NXPE2: variants seen among roughly 807,000 people sequenced by gnomAD.
NXPE2 encodes the protein NXPE family member 2.
Under a neutral mutation model 34.4 loss-of-function variants are expected in NXPE2, and 34 were observed. That is an observed-to-expected ratio of 0.99 (90% CI 0.75 to 1.31). NXPE2 has a LOEUF of 1.31. NXPE2 is among the 40% of genes most tolerant of loss of function. The pLI, the probability that NXPE2 is intolerant of heterozygous loss-of-function variation, is 0.00. For missense variants in NXPE2, 649 were observed against 672.5 expected (o/e 0.97, Z 0.39); for synonymous variants, 235 against 231.3 (o/e 1.02, Z -0.15).
At chr11:114,488,384 C>CT in the NXPE2 span, among the ~76,000 whole-genome samples, 7 of 151,944 alleles carry the variant, frequency 4.6e-5, no homozygotes, top group African/African-American at 1.7e-4. Flanking sequence ...GGTCTTCTCT[C>CT]TTTTTTTCTT....
chr11:114,582,613 G>C, the NXPE2 span: 1 of 1,614,144 alleles, frequency 6.2e-7, no homozygotes. Context: ...TCCCAGAACA[G>C]AGTGAAGCTG....
At chr11:114,751,190 G>A in the NXPE2 span, among the ~76,000 whole-genome samples, 4 of 152,122 alleles carry the variant, frequency 2.6e-5, no homozygotes, top group Admixed American at 2.6e-4. Context: ...ACATTTCAAT[G>A]GCCAGAATTA....
the NXPE2 span, chr11:114,571,493 C>G: frequency 6.4e-7 from 1 of 1,561,458 alleles, no homozygotes; most frequent in African/African-American, 1.4e-5. Flanking sequence ...AATAGGCAAT[C>G]CCAAAATAAA....
the NXPE2 span, among the ~76,000 whole-genome samples, chr11:114,601,809 A>C: frequency 1.2e-3 from 93 of 74,628 alleles, no homozygotes; most frequent in Middle Eastern, 0.019. Context: ...ATTATATATT[A>C]TATAATTATA....
the NXPE2 span, among the ~76,000 whole-genome samples, chr11:114,613,769 GC>G: frequency 6.6e-6 from 1 of 152,042 alleles, no homozygotes; most frequent in East Asian, 1.9e-4. Context: ...AATAAGTGTT[GC>G]CTGGTGGGTA....
At chr11:114,678,444 G>A (rs1950882852), upstream of NXPE2, 2 of 675,334 alleles carry the variant, frequency 3.0e-6, no homozygotes, top group African/African-American at 3.6e-5. Flanking sequence ...CTGGCACGCT[G>A]TGGCCACAAA....
the NXPE2 span, among the ~76,000 whole-genome samples, chr11:114,636,490 C>G: frequency 6.6e-6 from 1 of 151,696 alleles, no homozygotes; most frequent in Non-Finnish European, 1.5e-5. Flanking sequence ...TTAGTTATTT[C>G]TTGCCTTCTG....
chr11:114,632,207 A>G, the NXPE2 span, among the ~76,000 whole-genome samples: 2 of 141,314 alleles, frequency 1.4e-5, no homozygotes, highest in African/African-American at 5.1e-5. Context: ...TATACATATT[A>G]TATATGTATA....
intron 2 of NXPE2, among the ~76,000 whole-genome samples, chr11:114,683,121 T>A (rs1168997644): frequency 1.3e-5 from 2 of 152,136 alleles, no homozygotes; most frequent in African/African-American, 4.8e-5. Flanking sequence ...AATTTCCCTT[T>A]AATCATAGAG....
chr11:114,509,592 T>TA, the NXPE2 span, among the ~76,000 whole-genome samples: 3 of 151,946 alleles, frequency 2.0e-5, no homozygotes, highest in East Asian at 1.9e-4. Flanking sequence ...TGTGCAGCCA[T>TA]AAAAAAAATG....
intron 2 of NXPE2, among the ~76,000 whole-genome samples, chr11:114,691,868 G>A (rs1238559445): frequency 1.3e-5 from 2 of 152,196 alleles, no homozygotes; most frequent in Non-Finnish European, 2.9e-5. Flanking sequence ...GAGCTGATGG[G>A]GCACTGTTCC....
the NXPE2 span, among the ~76,000 whole-genome samples, chr11:114,788,003 G>T: frequency 1.3e-5 from 2 of 152,184 alleles, no homozygotes; most frequent in African/African-American, 4.8e-5. Flanking sequence ...ATGTGGTCCA[G>T]CCCCAGGACA....
intron 1 of NXPE2, 62 bp downstream of exon 1, chr11:114,678,663 G>A: frequency 1.5e-6 from 2 of 1,325,898 alleles, no homozygotes; most frequent in South Asian, 1.3e-5. Context: ...GAGAACTATA[G>A]ACCATTTGGT....
intron 2 of NXPE2, among the ~76,000 whole-genome samples, chr11:114,686,176 T>A (rs1235970959): frequency 6.6e-6 from 1 of 152,134 alleles, no homozygotes; most frequent in Admixed American, 6.6e-5. Flanking sequence ...TATATGGGTA[T>A]ATTGCATGAT....
chr11:114,631,396 C>G, the NXPE2 span, among the ~76,000 whole-genome samples: 1 of 151,396 alleles, frequency 6.6e-6, no homozygotes, highest in Non-Finnish European at 1.5e-5. Flanking sequence ...AATTGGAAAT[C>G]ATCATTCTCA....
At chr11:114,749,948 G>A in the NXPE2 span, among the ~76,000 whole-genome samples, 1 of 152,100 alleles carries the variant, frequency 6.6e-6, no homozygotes, top group South Asian at 2.1e-4. Context: ...CACCCTCCAT[G>A]TAGACTCTCT....
the NXPE2 span, among the ~76,000 whole-genome samples, chr11:114,558,492 A>C: frequency 6.6e-6 from 1 of 152,152 alleles, no homozygotes; most frequent in Non-Finnish European, 1.5e-5. Context: ...TAGATTGAGG[A>C]AGTTCTCTTT....
chr11:114,603,364 C>T, the NXPE2 span, among the ~76,000 whole-genome samples: 60 of 119,344 alleles, frequency 5.0e-4, no homozygotes, highest in Non-Finnish European at 7.8e-4. Context: ...TATTACCTGA[C>T]GGATGATAAG....
chr11:114,584,977 C>A, the NXPE2 span, among the ~76,000 whole-genome samples: 1 of 152,024 alleles, frequency 6.6e-6, no homozygotes, highest in Admixed American at 6.6e-5. Context: ...AAACAGAAGA[C>A]AAAATCCTGA....
Sources: allele counts gnomAD v4.1 joint callset (sites outside exome capture counted in the v4.1 genomes callset), GRCh38; gene constraint gnomAD v4.1.1; transcripts MANE v1.5; gene names NCBI Gene and HGNC (gene_info 2026-07-23, HGNC 2026-07-21).